The following CRB1 variants were observed in gnomAD, a reference collection of about 807,000 sequenced individuals.
CRB1 encodes crumbs cell polarity complex component 1.
A neutral mutation model predicts 120.0 loss-of-function variants in CRB1; 83 were observed. The ratio of observed to expected loss-of-function variants is 0.69; its 90% CI spans 0.58 to 0.83. The LOEUF (loss-of-function observed/expected upper bound fraction) is 0.83. Among genes scored for constraint, CRB1 ranks in the 40% least tolerant of loss-of-function variants. CRB1 has a pLI of 0.00. For missense variants in CRB1, 1,699 were observed against 1,687.6 expected (o/e 1.01, Z -0.12); for synonymous variants, 625 against 612.5 (o/e 1.02, Z -0.30).
chr1:197,382,966 T>C (rs1452477396), intron 5 of CRB1, among the ~76,000 whole-genome samples: 2 of 152,174 alleles, frequency 1.3e-5, no homozygotes, highest in Admixed American at 6.5e-5. Context: ...CTGCAGGAAC[T>C]AAATTAAGGT....
At chr1:197,355,390 C>T (rs940921760) in intron 4 of CRB1, among the ~76,000 whole-genome samples, 15 of 152,342 alleles carry the variant, frequency 9.8e-5, no homozygotes, top group East Asian at 7.7e-4. Context: ...CCGCGCAGTG[C>T]GCTGGCACTC....
At chr1:197,401,417 A>G (rs182275418) in intron 5 of CRB1, among the ~76,000 whole-genome samples, 10 of 152,290 alleles carry the variant, frequency 6.6e-5, no homozygotes, top group Non-Finnish European at 1.3e-4. Flanking sequence ...AAGACAAAGA[A>G]TTTAGCATGT....
chr1:197,225,169 C>G, the CRB1 span, among the ~76,000 whole-genome samples: 9 of 152,078 alleles, frequency 5.9e-5, no homozygotes, highest in African/African-American at 2.2e-4. Context: ...TACCAGAACT[C>G]CACCGAGATG....
the CRB1 span, among the ~76,000 whole-genome samples, chr1:197,203,572 G>A: frequency 6.6e-5 from 10 of 152,176 alleles, no homozygotes; most frequent in South Asian, 2.1e-4. Flanking sequence ...TGATCCACCC[G>A]CCTTGGCCTC....
chr1:197,454,335 A>G (rs1666178099), intron 11 of CRB1, among the ~76,000 whole-genome samples: 1 of 152,162 alleles, frequency 6.6e-6, no homozygotes, highest in Non-Finnish European at 1.5e-5. Flanking sequence ...AAAATAAGAA[A>G]TTGTTCATAA....
chr1:197,319,450 A>AG (rs1658059140), intron 1 of CRB1, among the ~76,000 whole-genome samples: 1 of 148,196 alleles, frequency 6.7e-6, no homozygotes, highest in African/African-American at 2.5e-5. Context: ...AAAAAAAAAA[A>AG]AAAAAAAAGA....
At chr1:197,416,265 CTTAAA>C (rs1236124486) in intron 5 of CRB1, among the ~76,000 whole-genome samples, 1 of 152,132 alleles carries the variant, frequency 6.6e-6, no homozygotes, top group Non-Finnish European at 1.5e-5. Context: ...ATTGATTTGA[CTTAAA>C]TTTAATATGA....
At chr1:197,392,276 C>A (rs533083101) in intron 5 of CRB1, among the ~76,000 whole-genome samples, 1 of 151,780 alleles carries the variant, frequency 6.6e-6, no homozygotes, top group Non-Finnish European at 1.5e-5. Flanking sequence ...CACACACACA[C>A]ATATATATAT....
chr1:197,259,878 G>C, the CRB1 span, among the ~76,000 whole-genome samples: 1 of 152,002 alleles, frequency 6.6e-6, no homozygotes, highest in African/African-American at 2.4e-5. Context: ...GGCCGGGCAT[G>C]GTGGCTCATG....
intron 11 of CRB1, among the ~76,000 whole-genome samples, chr1:197,459,982 T>C (rs1571610851): frequency 6.7e-6 from 1 of 149,660 alleles, no homozygotes; most frequent in African/African-American, 2.4e-5. Flanking sequence ...TGTTAGTAAG[T>C]CTTGCTTTAA....
At chr1:197,239,326 C>T in the CRB1 span, among the ~76,000 whole-genome samples, 1 of 151,914 alleles carries the variant, frequency 6.6e-6, no homozygotes, top group Non-Finnish European at 1.5e-5. Flanking sequence ...AATTAAAATT[C>T]CCAACTATAA....
At chr1:197,414,411 C>T (rs192569798) in intron 5 of CRB1, among the ~76,000 whole-genome samples, 23 of 152,034 alleles carry the variant, frequency 1.5e-4, no homozygotes, top group African/African-American at 2.4e-4. Flanking sequence ...ATAAAGTCTA[C>T]GTTCCTTTTA....
intron 11 of CRB1, among the ~76,000 whole-genome samples, chr1:197,449,609 G>A (rs1450641170): frequency 6.6e-6 from 1 of 151,992 alleles, no homozygotes; most frequent in Admixed American, 6.6e-5. Context: ...CTCGTGATCC[G>A]CCCGCCTCGG....
chr1:197,448,454 A>G (rs1665805795), intron 11 of CRB1, among the ~76,000 whole-genome samples: 1 of 152,166 alleles, frequency 6.6e-6, no homozygotes, highest in Non-Finnish European at 1.5e-5. Flanking sequence ...GTCTCCATAT[A>G]CAATTTGGGT....
chr1:197,246,790 CT>C, the CRB1 span, among the ~76,000 whole-genome samples: 2 of 152,178 alleles, frequency 1.3e-5, no homozygotes, highest in East Asian at 3.9e-4. Flanking sequence ...TCTACAGCTC[CT>C]TTTGTGCTAC....
chr1:197,223,192 C>T, the CRB1 span: 50 of 1,162,400 alleles, frequency 4.3e-5, no homozygotes, highest in Non-Finnish European at 5.2e-5. Flanking sequence ...ATATTTGGAA[C>T]ATGGATCCTG....
chr1:197,389,058 A>G (rs78975903), intron 5 of CRB1, among the ~76,000 whole-genome samples: 2,157 of 152,208 alleles, frequency 0.014, 38 homozygotes, highest in African/African-American at 0.048. Flanking sequence ...AGTTACAAAT[A>G]TCAAGTGTTG....
chr1:197,330,378 C>A (rs779349926), intron 2 of CRB1, among the ~76,000 whole-genome samples: 5 of 152,134 alleles, frequency 3.3e-5, no homozygotes, highest in Non-Finnish European at 5.9e-5. Context: ...TAAAATAGAC[C>A]TATGCCGTAG....
At chr1:197,319,903 C>G (rs767185384) in intron 1 of CRB1, among the ~76,000 whole-genome samples, 53 of 152,272 alleles carry the variant, frequency 3.5e-4, no homozygotes, top group Middle Eastern at 3.4e-3. Flanking sequence ...CTGAGGTAAA[C>G]AGATTCTTTA....
Sources: allele counts gnomAD v4.1 joint callset (sites outside exome capture counted in the v4.1 genomes callset), GRCh38; gene constraint gnomAD v4.1.1; transcripts MANE v1.5; gene names NCBI Gene and HGNC (gene_info 2026-07-23, HGNC 2026-07-21).